The following LMBRD2 variants were observed in gnomAD, a reference collection of about 807,000 sequenced individuals.
LMBRD2 encodes G protein-coupled receptor-associated protein LMBRD2.
Under a neutral mutation model 94.4 loss-of-function variants are expected in LMBRD2, and 55 were observed. The ratio of observed to expected loss-of-function variants is 0.58; its 90% CI spans 0.47 to 0.73. LMBRD2 has a LOEUF of 0.73. LMBRD2 is among the 30% of genes least tolerant of loss of function. LMBRD2 has a pLI of 0.00. For synonymous variants in LMBRD2, 246 were observed against 272.4 expected (o/e 0.90, Z 0.95); for missense variants, 640 against 831.9 (o/e 0.77, Z 2.84).
At chr5:36,120,353 C>T (rs899182253) in intron 9 of LMBRD2, among the ~76,000 whole-genome samples, 11 of 152,042 alleles carry the variant, frequency 7.2e-5, no homozygotes, top group Non-Finnish European at 1.6e-4. Context: ...ACCTCCGCCT[C>T]CTGTTCAAGT....
chr5:36,143,016 C>T (rs578054271), intron 2 of LMBRD2, among the ~76,000 whole-genome samples, 160 bp downstream of exon 2: 2 of 152,282 alleles, frequency 1.3e-5, no homozygotes, highest in East Asian at 1.9e-4. Context: ...TGAGCCACCA[C>T]GCCCGGCCCT....
At position 36,122,942 on chromosome 5, in the gene LMBRD2, T is replaced by G. The variant is rs987936021; in HGVS notation, c.842A>C (p.Glu281Ala). 4 of 1,557,010 alleles carry G rather than the reference T, an allele frequency of 2.6e-6. No homozygotes were observed. Among genetic ancestry groups the G allele is most frequent in the Non-Finnish European group, 2.6e-6 (3 of 1,160,956 alleles). Residue 281 changes from glutamate (E) to alanine (A), a missense_variant, in exon 8 of 18, where the codon GAA (glutamate) becomes GCA (alanine). Glu to Ala is a moderately radical substitution (Grantham distance 107). Transcript: ENST00000296603. ...ATCATCCATGTTCCTACCCATTTTT[T>G]CCTGATACTCTGTAGGGCACTAAAA... ...ILKKCPTEYQEKMGRNMDDYE... is the reference protein window; with the variant it reads ...ILKKCPTEYQAKMGRNMDDYE...
rs1246065885 is a variant in LMBRD2 at position 36,122,920 on chromosome 5, A to G, written c.864T>C (p.Asp288=). Reference sequence around the variant, plus strand: ...GCTTTTCATCAAAATCTTCATAATCATCCATGTTCCTACCCATTTTTTCCT... The same window carrying G: ...GCTTTTCATCAAAATCTTCATAATCGTCCATGTTCCTACCCATTTTTTCCT... ...EYQEKMGRNM[D]DYEDFDEKHS... The change falls in exon 8 of 18, where the codon GAT becomes GAC. Residue 288 remains aspartate, a synonymous_variant. Coordinates refer to ENST00000296603, the MANE Select transcript of LMBRD2 (RefSeq NM_001007527.2). 8 of 1,576,530 alleles carry G rather than the reference A, an allele frequency of 5.1e-6. No individual in the cohort carries two copies. The highest frequency in any genetic ancestry group is 1.2e-5 in the South Asian group (1 of 83,482).
At chr5:36,104,965 G>A in intron 17 of LMBRD2, 103 bp downstream of exon 17, 1 of 1,102,000 alleles carries the variant, frequency 9.1e-7, no homozygotes. Flanking sequence ...CTTATCACTT[G>A]TTTACTTTCA....
Position 36,136,314 on chromosome 5 carries a change from T to C in LMBRD2, c.742A>G (p.Met248Val), listed in dbSNP as rs1265333008. 1 of 1,613,974 alleles carries C rather than the reference T, an allele frequency of 6.2e-7. No individual in the cohort carries two copies. The highest frequency in any genetic ancestry group is 1.7e-5 in the Admixed American group (1 of 60,028). The change falls in exon 6 of 18, where the codon ATG (methionine) becomes GTG (valine). Residue 248 changes from methionine (M) to valine (V), a missense_variant. This residue lies in a region of LMBRD2 where 457 missense variants were observed against 642.8 expected (regional missense o/e 0.71). Transcript: ENST00000296603. ...TAAGGTTCAAACTTGCTTACCTCCA[T>C]GGCATCTTCCAAATTCTCTTCTGCA... is the stretch of plus-strand genomic sequence containing the variant. ...ADAEENLEDA[M>V]EEVRKVNESI... is the part of the protein sequence containing the mutation.
intron 6 of LMBRD2, among the ~76,000 whole-genome samples, chr5:36,129,471 A>C (rs1744082940): frequency 6.6e-6 from 1 of 151,460 alleles, no homozygotes; most frequent in Admixed American, 6.6e-5. Flanking sequence ...TACAATGCTG[A>C]AAGAAAAAAA....
chr5:36,108,671 G>T (rs781042697), intron 15 of LMBRD2, 32 bp from the exon 16 acceptor site: 1 of 1,054,992 alleles, frequency 9.5e-7, no homozygotes, highest in Admixed American at 2.2e-5. Flanking sequence ...TCATATAATA[G>T]AACAGAAAAT....
intron 3 of LMBRD2, among the ~76,000 whole-genome samples, 197 bp downstream of exon 3, chr5:36,142,305 A>G (rs933058101): frequency 2.9e-4 from 44 of 152,316 alleles, no homozygotes; most frequent in Non-Finnish European, 5.1e-4. Flanking sequence ...GGCTTTGTGG[A>G]CCAATAAATA....
At position 36,122,412 on chromosome 5, in the gene LMBRD2, G is replaced by T. The variant is rs1221770421; in HGVS notation, c.988C>A (p.Leu330Ile). The T allele has an allele frequency of 1.2e-6, 2 of 1,613,518 alleles. No homozygotes were observed. Among genetic ancestry groups the T allele is most frequent in the East Asian group, 4.5e-5 (2 of 44,850 alleles). Residue 330 changes from leucine (L) to isoleucine (I), a missense_variant, in exon 9 of 18, where the codon CTT becomes ATT. Transcript: ENST00000296603. ...HRRTQVQWQILLEQAFYLEDV... is the reference protein window; with the variant it reads ...HRRTQVQWQIILEQAFYLEDV... ...TCTAGATAAAATGCTTGTTCCAAAA[G>T]AATCTGCCATTGTACTTGAGTTCGA...
At position 36,115,049 on chromosome 5, in the gene LMBRD2, G is replaced by C. The variant is rs1743707878; in HGVS notation, c.1508C>G (p.Ser503Cys). 1.9e-6 allele frequency: 3 copies of C among 1,611,152 alleles called. No individual in the cohort carries two copies. The highest frequency in any genetic ancestry group is 2.5e-6 in the Non-Finnish European group (3 of 1,178,142). The change falls in exon 12 of 18, where the codon TCT becomes TGT. Residue 503 changes from serine to cysteine, a missense_variant. Around this residue, in one of 2 missense-constraint regions of LMBRD2, gnomAD observed 457 missense variants for 642.8 expected, o/e 0.71. Coordinates refer to ENST00000296603, the MANE Select transcript of LMBRD2 (RefSeq NM_001007527.2). ...LGLTHMDSSI[S>C]HKNTQPTAYT... ...AGCAGTTGGTTGAGTATTCTTGTGA[G>C]AGATAGATGAATCCATATGGGTCAA...
At chr5:36,140,777 T>TA (rs964727667) in intron 4 of LMBRD2, among the ~76,000 whole-genome samples, 5 of 151,794 alleles carry the variant, frequency 3.3e-5, no homozygotes, top group South Asian at 2.1e-4. Flanking sequence ...GAAAGCAAAC[T>TA]AAAAAAAACA....
intron 11 of LMBRD2, among the ~76,000 whole-genome samples, chr5:36,115,460 C>G (rs1743717866): frequency 6.6e-6 from 1 of 152,172 alleles, no homozygotes. Flanking sequence ...AGGACAGTAA[C>G]ATCCTCAAGG....
At chr5:36,111,967 C>T (rs1743618824) in intron 13 of LMBRD2, among the ~76,000 whole-genome samples, 1 of 151,730 alleles carries the variant, frequency 6.6e-6, no homozygotes, top group Non-Finnish European at 1.5e-5. Context: ...AACCAAGCAG[C>T]TCTTTTTATT....
chr5:36,122,975 A>AAG lies in LMBRD2; in HGVS notation c.823-15_823-14insCT. ...CTCTGTAGGGCACTAAAAAAAAAAA[A>AAG]AAGTAGATTTTTAAAAATCTTAATT... On this transcript the variant is annotated splice_polypyrimidine_tract_variant and intron_variant, in intron 7 of 17. Transcript: ENST00000296603. 1 of 1,482,622 alleles carries AAG rather than the reference A, an allele frequency of 6.7e-7. No homozygotes were observed. Among genetic ancestry groups the AAG allele is most frequent in the Non-Finnish European group, 8.9e-7 (1 of 1,125,754 alleles). 91.8% of individuals were successfully genotyped at this position (1,482,622 alleles called of 1,614,324 possible). A position where few individuals can be genotyped will look rare whatever the true frequency, so the allele number is the denominator to read the frequency against.
chr5:36,138,354 A>T (rs1430121005), intron 4 of LMBRD2, among the ~76,000 whole-genome samples: 1 of 152,226 alleles, frequency 6.6e-6, no homozygotes, highest in African/African-American at 2.4e-5. Flanking sequence ...TATACATATA[A>T]TGGGGTATGT....
chr5:36,134,049 T>C (rs551462712), intron 6 of LMBRD2, among the ~76,000 whole-genome samples: 1 of 152,242 alleles, frequency 6.6e-6, no homozygotes, highest in African/African-American at 2.4e-5. Flanking sequence ...AAGTATCTTA[T>C]TGAAATATCA....
chr5:36,115,647 TATGAG>T (rs1328892095), intron 11 of LMBRD2, among the ~76,000 whole-genome samples: 3 of 151,984 alleles, frequency 2.0e-5, no homozygotes, highest in African/African-American at 7.3e-5. Flanking sequence ...AAAAAAATAA[TATGAG>T]ATAATTCTTT....
At chr5:36,114,191 TAA>T (rs1234868105) in intron 13 of LMBRD2, among the ~76,000 whole-genome samples, 1 of 152,132 alleles carries the variant, frequency 6.6e-6, no homozygotes, top group Admixed American at 6.6e-5. Context: ...AGAATAATGT[TAA>T]AATAGTATTA....
chr5:36,147,574 TCAA>T, intron 1 of LMBRD2, among the ~76,000 whole-genome samples: 1 of 152,164 alleles, frequency 6.6e-6, no homozygotes, highest in Non-Finnish European at 1.5e-5. Context: ...AAAATCCAAT[TCAA>T]TCTTTTTCCA....
Sources: gnomAD v4.1 joint callset for allele counts (sites outside exome capture counted in the v4.1 genomes callset) on GRCh38, gnomAD v4.1.1 for gene constraint, gnomAD v4.1.1 regional missense constraint, MANE v1.5 for transcripts, NCBI Gene and HGNC (gene_info 2026-07-23, HGNC 2026-07-21) for gene names.